Variants in TDRD3 observed in about 807,000 individuals in gnomAD.
The protein encoded by TDRD3 is tudor domain-containing protein 3.
A neutral mutation model predicts 86.7 loss-of-function variants in TDRD3; 45 were observed. The observed-to-expected ratio is 0.52, with a 90% CI of 0.41 to 0.67. The LOEUF (loss-of-function observed/expected upper bound fraction) is 0.67, where lower values mean the gene tolerates loss of function less well. TDRD3 is among the 30% of genes least tolerant of loss of function. The pLI, the probability that TDRD3 is intolerant of heterozygous loss-of-function variation, is 0.00. For synonymous variants in TDRD3, 298 were observed against 301.7 expected (o/e 0.99, Z 0.13); for missense variants, 814 against 889.0 (o/e 0.92, Z 1.07).
In TDRD3 at chr13:60,433,356, A is replaced by G. The variant is rs543387635; in HGVS notation, c.42-6332A>G. Among the ~76,000 whole-genome samples, 14 of 152,312 alleles carry G rather than the reference A, an allele frequency of 9.2e-5. No homozygotes were observed. The East Asian group carries it at 2.7e-3, about 29-fold the overall frequency. On this transcript the variant is annotated intron_variant, in intron 1 of 13. Coordinates refer to ENST00000377881, the MANE Select transcript of TDRD3 (RefSeq NM_001146070.2). ...GTAAGCATGGGTTCTTTATATGTCCAGTTTGTAAAATATTTATGTCAATGA... is the reference window on the plus strand; with the variant it reads ...GTAAGCATGGGTTCTTTATATGTCCGGTTTGTAAAATATTTATGTCAATGA...
intron 1 of TDRD3, among the ~76,000 whole-genome samples, chr13:60,416,792 G>A (rs1393223744): frequency 2.0e-5 from 3 of 152,116 alleles, no homozygotes; most frequent in Admixed American, 6.5e-5. Flanking sequence ...GGAATTCACT[G>A]TTAAGACATA....
At chr13:60,464,585 T>C (rs928917928) in intron 4 of TDRD3, among the ~76,000 whole-genome samples, 4 of 149,640 alleles carry the variant, frequency 2.7e-5, no homozygotes, top group African/African-American at 1.0e-4. Context: ...CACACACACA[T>C]ACACACACAC....
Position 60,504,768 on chromosome 13 carries a change from G to A in TDRD3, c.859-4995G>A, listed in dbSNP as rs946010351. 7.2e-4 allele frequency among the ~76,000 whole-genome samples: 110 copies of A among 152,304 alleles called. 6 individuals are homozygous for A. Among genetic ancestry groups the A allele is most frequent in the Admixed American group, 7.1e-3 (108 of 15,300 alleles). ...TCATCTCATTGGAACTGGTTAGACA[G>A]TGTGTGCAGCCCATGGAGGGCGAGC... On this transcript the variant is annotated intron_variant, in intron 8 of 13. Transcript: ENST00000377881.
chr13:60,528,753 G>T lies in TDRD3; in HGVS notation c.1528G>T (p.Gly510Cys). Residue 510 changes from glycine to cysteine, a missense_variant, in exon 11 of 14, where the codon GGT (glycine) becomes TGT (cysteine). Coordinates refer to ENST00000377881, the MANE Select transcript of TDRD3 (RefSeq NM_001146070.2). ...DNSMQSRSGK[G>C]PSFAEAKENP... Reference sequence around the variant, plus strand: ...CTCTATGCAAAGCAGATCAGGAAAAGGTCCCTCCTTTGCAGAGGCAAAAGA... The same window carrying T: ...CTCTATGCAAAGCAGATCAGGAAAATGTCCCTCCTTTGCAGAGGCAAAAGA... The T allele has an allele frequency of 6.2e-7, 1 of 1,613,268 alleles. No homozygotes were observed. The highest frequency in any genetic ancestry group is 8.5e-7 in the Non-Finnish European group (1 of 1,179,798).
intron 12 of TDRD3, among the ~76,000 whole-genome samples, chr13:60,539,403 T>A (rs1406046810): frequency 1.3e-5 from 2 of 152,200 alleles, no homozygotes; most frequent in East Asian, 1.9e-4. Flanking sequence ...AAAATCTTAC[T>A]GAAGTTTTAA....
intron 5 of TDRD3, among the ~76,000 whole-genome samples, chr13:60,476,258 T>G (rs934729160): frequency 2.6e-5 from 4 of 152,182 alleles, no homozygotes; most frequent in Non-Finnish European, 1.5e-5. Context: ...TTCTGCATAT[T>G]GGCTAGCCAG....
At chr13:60,505,442 A>C (rs1956916028) in intron 8 of TDRD3, among the ~76,000 whole-genome samples, 1 of 152,200 alleles carries the variant, frequency 6.6e-6, no homozygotes, top group African/African-American at 2.4e-5. Flanking sequence ...TGCCTCAGCC[A>C]GGGGATTATA....
Position 60,440,910 on chromosome 13 carries a change from G to A in TDRD3, c.126+1138G>A, listed in dbSNP as rs533140701. 2.6e-5 allele frequency among the ~76,000 whole-genome samples: 4 copies of A among 152,080 alleles called. No homozygotes were observed. In the South Asian group the frequency reaches 8.3e-4, roughly 32 times the overall value. Reference sequence around the variant, plus strand: ...AGGAACATTTAAAACATAAATAAATGTATAAATCTAACGTTAAAAAAGTTA... The same window carrying A: ...AGGAACATTTAAAACATAAATAAATATATAAATCTAACGTTAAAAAAGTTA... On this transcript the variant is annotated intron_variant, in intron 2 of 13. Transcript: ENST00000377881.
chr13:60,538,979 T>TAAACTTTGATAC (rs1957755102), intron 12 of TDRD3, among the ~76,000 whole-genome samples: 1 of 152,210 alleles, frequency 6.6e-6, no homozygotes, highest in Admixed American at 6.5e-5. Context: ...GTTCATAGTA[T>TAAACTTTGATAC]CTGCTTCTTG....
At chr13:60,484,369 G>C (rs1956382125) in intron 6 of TDRD3, among the ~76,000 whole-genome samples, 1 of 152,102 alleles carries the variant, frequency 6.6e-6, no homozygotes, top group Non-Finnish European at 1.5e-5. Context: ...AATTCTTGTG[G>C]CAGCTTGCTC....
intron 1 of TDRD3, among the ~76,000 whole-genome samples, chr13:60,422,375 C>T (rs529476086): frequency 6.6e-6 from 1 of 152,186 alleles, no homozygotes; most frequent in Non-Finnish European, 1.5e-5. Context: ...GTAAAACAGC[C>T]CAATGTCACA....
intron 1 of TDRD3, among the ~76,000 whole-genome samples, chr13:60,406,236 A>G (rs567611429): frequency 6.6e-6 from 1 of 152,288 alleles, no homozygotes; most frequent in East Asian, 1.9e-4. Context: ...CATGGATAAG[A>G]TCATCTAAGG....
intron 13 of TDRD3, among the ~76,000 whole-genome samples, chr13:60,571,712 GC>G (rs1329345846): frequency 2.6e-5 from 4 of 151,452 alleles, no homozygotes; most frequent in Non-Finnish European, 2.9e-5. Flanking sequence ...TTTTTTCAAG[GC>G]CCCCACAGAT....
chr13:60,552,717 C>T (rs1388074842), intron 12 of TDRD3, among the ~76,000 whole-genome samples: 4 of 152,338 alleles, frequency 2.6e-5, no homozygotes, highest in Middle Eastern at 3.4e-3. Flanking sequence ...CAGGCTTTCC[C>T]GTACATCCTC....
At chr13:60,453,297 C>T (rs1381257366) in intron 3 of TDRD3, among the ~76,000 whole-genome samples, 3 of 152,286 alleles carry the variant, frequency 2.0e-5, no homozygotes, top group South Asian at 4.2e-4. Context: ...CAATGACTGA[C>T]TAAGCCTCAA....
chr13:60,395,925 G>A (rs763744390), upstream of TDRD3, among the ~76,000 whole-genome samples: 2 of 152,160 alleles, frequency 1.3e-5, no homozygotes, highest in African/African-American at 4.8e-5. Flanking sequence ...ATATACTTGG[G>A]AGCAAATCTC....
At chr13:60,444,847 C>A in intron 3 of TDRD3, 99 bp downstream of exon 3, 1 of 600,422 alleles carries the variant, frequency 1.7e-6, no homozygotes, top group Non-Finnish European at 2.7e-6. Context: ...ACTGCAATTG[C>A]AAAATACTCT....
intron 10 of TDRD3, among the ~76,000 whole-genome samples, chr13:60,526,590 T>A (rs1957440033): frequency 6.6e-6 from 1 of 151,892 alleles, no homozygotes; most frequent in Admixed American, 6.6e-5. Context: ...GTGTTATGTT[T>A]ATTAGGCAGA....
At chr13:60,516,770 C>T (rs947043123) in intron 10 of TDRD3, among the ~76,000 whole-genome samples, 5 of 152,174 alleles carry the variant, frequency 3.3e-5, no homozygotes, top group African/African-American at 1.2e-4. Flanking sequence ...CTCCACTCAC[C>T]ATGTATCATT....
Sources: gnomAD v4.1 joint callset for allele counts (sites outside exome capture counted in the v4.1 genomes callset) on GRCh38, gnomAD v4.1.1 for gene constraint, MANE v1.5 for transcripts, NCBI Gene and HGNC (gene_info 2026-07-23, HGNC 2026-07-21) for gene names.